NUDCD1: variants seen among roughly 807,000 people sequenced by gnomAD.
The protein encoded by NUDCD1 is NudC domain containing 1, also known as nudC domain-containing protein 1.
In NUDCD1, 60 loss-of-function variants were observed where a neutral mutation model predicts 67.8. That is an observed-to-expected ratio of 0.88 (90% CI 0.72 to 1.10). The LOEUF (loss-of-function observed/expected upper bound fraction) is 1.10. Among genes scored for constraint, NUDCD1 ranks in the 50% least tolerant of loss-of-function variants. NUDCD1 has a pLI of 0.00. For synonymous variants in NUDCD1, 244 were observed against 230.8 expected (o/e 1.06, Z -0.52); for missense variants, 643 against 695.0 (o/e 0.93, Z 0.84).
intron 8 of NUDCD1, among the ~76,000 whole-genome samples, chr8:109,267,239 T>G (rs530011491): frequency 6.6e-6 from 1 of 152,284 alleles, no homozygotes; most frequent in African/African-American, 2.4e-5. Context: ...ATAAGCATAG[T>G]TCCCGACAGG....
intron 2 of NUDCD1, among the ~76,000 whole-genome samples, chr8:109,303,735 G>A (rs1361401388): frequency 6.6e-6 from 1 of 151,890 alleles, no homozygotes; most frequent in Non-Finnish European, 1.5e-5. Flanking sequence ...CTTGGCAACC[G>A]ATCACGCAAC....
chr8:109,245,888 G>T (rs958485329), intron 8 of NUDCD1, among the ~76,000 whole-genome samples: 7 of 152,176 alleles, frequency 4.6e-5, no homozygotes, highest in Non-Finnish European at 1.0e-4. Flanking sequence ...GAACTGGGCC[G>T]CACAGCAAGA....
At chr8:109,314,334 A>G (rs1586303849) in intron 2 of NUDCD1, among the ~76,000 whole-genome samples, 1 of 152,216 alleles carries the variant, frequency 6.6e-6, no homozygotes. Flanking sequence ...AGTATAATGT[A>G]TAAGAATTTT....
intron 8 of NUDCD1, among the ~76,000 whole-genome samples, chr8:109,245,823 A>G (rs1479782302): frequency 6.6e-6 from 1 of 152,184 alleles, no homozygotes; most frequent in East Asian, 1.9e-4. Flanking sequence ...CACGATATAA[A>G]GCAGGGGTCC....
In NUDCD1 at chr8:109,241,835, A is replaced by C. The variant is rs553339982; in HGVS notation, c.*1174T>G. On this transcript the variant is annotated 3_prime_UTR_variant, in exon 10 of 10. Transcript: ENST00000239690. ...CTTCTGCCTCTTAAATGAAGGTCTT[A>C]ACTTCCTTATTAAAATATAAAATCC... The C allele has an allele frequency of 3.6e-4, 131 of 364,744 alleles. 1 individual carries two copies. Among genetic ancestry groups the C allele is most frequent in the African/African-American group, 2.4e-3 (117 of 47,928 alleles). The allele number at this position is 364,744 out of a possible 1,614,324, so 22.6% of individuals were successfully genotyped here.
intron 6 of NUDCD1, among the ~76,000 whole-genome samples, chr8:109,278,015 A>G (rs1814337741): frequency 6.6e-6 from 1 of 152,164 alleles, no homozygotes; most frequent in African/African-American, 2.4e-5. Context: ...TTTTTCTTGG[A>G]TGCTCATGAT....
chr8:109,304,126 C>G (rs538892424), intron 2 of NUDCD1, among the ~76,000 whole-genome samples: 1 of 152,156 alleles, frequency 6.6e-6, no homozygotes, highest in Non-Finnish European at 1.5e-5. Flanking sequence ...CCCACACTAG[C>G]TCTCCCTAAC....
At chr8:109,247,949 C>T (rs574077747) in intron 8 of NUDCD1, among the ~76,000 whole-genome samples, 2 of 152,184 alleles carry the variant, frequency 1.3e-5, no homozygotes. Flanking sequence ...CCTTATATAG[C>T]AAAAGGGACT....
chr8:109,292,143 A>G (rs1296027356), intron 4 of NUDCD1, among the ~76,000 whole-genome samples: 2 of 152,172 alleles, frequency 1.3e-5, no homozygotes, highest in Admixed American at 1.3e-4. Flanking sequence ...TCCTATGTCC[A>G]TAAAGTATGA....
intron 8 of NUDCD1, among the ~76,000 whole-genome samples, chr8:109,258,147 A>G (rs1436484167): frequency 6.6e-6 from 1 of 152,120 alleles, no homozygotes; most frequent in Admixed American, 6.5e-5. Context: ...CTTCATGTTT[A>G]TCATCATAGT....
intron 5 of NUDCD1, among the ~76,000 whole-genome samples, chr8:109,281,486 C>T (rs1227834898): frequency 6.6e-6 from 1 of 151,862 alleles, no homozygotes; most frequent in Non-Finnish European, 1.5e-5. Flanking sequence ...TCCTTCTTTC[C>T]TTTAAACAAA....
chr8:109,245,589 C>T (rs1251650986), intron 8 of NUDCD1, 108 bp from the exon 9 acceptor site: 2 of 746,570 alleles, frequency 2.7e-6, no homozygotes, highest in Non-Finnish European at 4.4e-6. Context: ...CTGTTTTATA[C>T]TTTTTATATA....
intron 5 of NUDCD1, among the ~76,000 whole-genome samples, chr8:109,289,418 T>TA (rs2130014260): frequency 6.6e-6 from 1 of 152,184 alleles, no homozygotes; most frequent in East Asian, 1.9e-4. Context: ...TAAAAATTAG[T>TA]ATCTTCAATA....
intron 5 of NUDCD1, among the ~76,000 whole-genome samples, chr8:109,289,136 C>G (rs758399147): frequency 3.3e-5 from 5 of 151,866 alleles, no homozygotes; most frequent in Non-Finnish European, 7.4e-5. Flanking sequence ...CCACCACATC[C>G]GGATTTTTTT....
At chr8:109,254,124 T>C (rs564181927) in intron 8 of NUDCD1, among the ~76,000 whole-genome samples, 167 of 152,192 alleles carry the variant, frequency 1.1e-3, no homozygotes, top group Non-Finnish European at 1.8e-3. Context: ...TGGCTTTGGG[T>C]ACATGCACTG....
intron 5 of NUDCD1, among the ~76,000 whole-genome samples, chr8:109,283,989 TA>T (rs58089818): frequency 0.034 from 4,546 of 132,978 alleles, 196 homozygotes; most frequent in African/African-American, 0.12. Flanking sequence ...AAAGCTGGAT[TA>T]AAAAAAAAAA....
At chr8:109,316,660 T>C (rs1243259001) in intron 2 of NUDCD1, 2 of 152,218 alleles carry the variant, frequency 1.3e-5, no homozygotes, top group East Asian at 3.8e-4. Context: ...TGATTTCATT[T>C]GTTGCTGATG....
intron 2 of NUDCD1, among the ~76,000 whole-genome samples, chr8:109,301,582 T>C (rs976237384): frequency 1.5e-4 from 23 of 152,240 alleles, no homozygotes; most frequent in African/African-American, 5.5e-4. Flanking sequence ...GAGATCCACC[T>C]ACGACCTCGG....
At chr8:109,290,662 T>C (rs1033208095) in intron 4 of NUDCD1, among the ~76,000 whole-genome samples, 5 of 152,152 alleles carry the variant, frequency 3.3e-5, no homozygotes, top group African/African-American at 1.2e-4. Flanking sequence ...ATTCCAAAAG[T>C]TTCTGACAAA....
Sources: gnomAD v4.1 joint callset for allele counts (sites outside exome capture counted in the v4.1 genomes callset) on GRCh38, gnomAD v4.1.1 for gene constraint, MANE v1.5 for transcripts, NCBI Gene and HGNC (gene_info 2026-07-23, HGNC 2026-07-21) for gene names.